Variants in UBN2 observed in about 807,000 individuals in gnomAD.
UBN2 encodes ubinuclein-2.
Under a neutral mutation model 120.2 loss-of-function variants are expected in UBN2, and 35 were observed. That is an observed-to-expected ratio of 0.29 (90% CI 0.22 to 0.39). The LOEUF (loss-of-function observed/expected upper bound fraction) is 0.39. UBN2 is among the 10% of genes least tolerant of loss of function. The pLI, the probability that UBN2 is intolerant of heterozygous loss-of-function variation, is 1.00. For missense variants in UBN2, 1,693 were observed against 1,663.2 expected, an observed-to-expected ratio of 1.02 and a Z score of -0.31; for synonymous variants, 661 against 648.7, an observed-to-expected ratio of 1.02 and a Z score of -0.29.
chr7:139,232,017 C>A, intron 1 of UBN2, 65 bp downstream of exon 1: 1 of 1,506,498 alleles, frequency 6.6e-7, no homozygotes, highest in Non-Finnish European at 8.9e-7. Flanking sequence ...CCTTCCCCAG[C>A]TGGTTTGCAC....
chr7:139,258,402 T>G, intron 3 of UBN2, 86 bp from the exon 4 acceptor site: 1 of 1,094,084 alleles, frequency 9.1e-7, no homozygotes, highest in East Asian at 2.6e-5. Context: ...TTAAGGGAGA[T>G]GCTGCCATGG....
chr7:139,298,184 C>G lies in UBN2; in HGVS notation c.*348C>G. On this transcript the variant is annotated 3_prime_UTR_variant, in exon 18 of 18. Transcript: ENST00000473989. ...GAAGTGAAGAGAATTTGGGTAAACT[C>G]CATCCATCCTGGGGGTTGGATCTGA... 2 of 244,222 alleles carry G rather than the reference C, an allele frequency of 8.2e-6. No individual in the cohort carries two copies. The highest frequency in any genetic ancestry group is 1.8e-4 in the East Asian group (2 of 11,058). 15.1% of individuals were successfully genotyped at this position (244,222 alleles called of 1,614,324 possible). A position where few individuals can be genotyped will look rare whatever the true frequency, so the allele number is the denominator to read the frequency against.
chr7:139,288,669 G>T (rs1797856750), intron 15 of UBN2, among the ~76,000 whole-genome samples: 1 of 152,030 alleles, frequency 6.6e-6, no homozygotes, highest in Non-Finnish European at 1.5e-5. Context: ...GGGAATAGGG[G>T]ACCAGTGCAC....
At chr7:139,293,179 T>C (rs1798010479) in intron 15 of UBN2, 53 bp from the exon 16 acceptor site, 1 of 1,418,876 alleles carries the variant, frequency 7.0e-7, no homozygotes, top group Non-Finnish European at 9.9e-7. Context: ...AGAAAATAAA[T>C]CAATTTGGGT....
chr7:139,270,992 G>T (rs777379446), intron 8 of UBN2, among the ~76,000 whole-genome samples: 4 of 151,620 alleles, frequency 2.6e-5, no homozygotes, highest in Non-Finnish European at 5.9e-5. Context: ...CCATTCTCCA[G>T]GCTGGTCTCG....
chr7:139,234,997 A>C (rs1322555963), intron 1 of UBN2, among the ~76,000 whole-genome samples: 1 of 151,890 alleles, frequency 6.6e-6, no homozygotes. Context: ...TGATTGGGGG[A>C]GGGTGTTTAT....
chr7:139,291,360 C>CAAAAAAA (rs774759708), intron 15 of UBN2, among the ~76,000 whole-genome samples: 3 of 43,416 alleles, frequency 6.9e-5, no homozygotes, highest in Non-Finnish European at 1.0e-4. Context: ...GACTCTGTCT[C>CAAAAAAA]AAAAAAAAAA....
At position 139,298,601 on chromosome 7, in the gene UBN2, T is replaced by G. The variant is rs191350557; in HGVS notation, c.*765T>G. 303 of 152,230 alleles carry G rather than the reference T, an allele frequency of 2.0e-3. 4 individuals are homozygous for G. The highest frequency in any genetic ancestry group is 6.7e-3 in the African/African-American group (280 of 41,540). 9.4% of individuals were successfully genotyped at this position (152,230 alleles called of 1,614,324 possible). ...TCATCTTCCGTTCAGAAGCAGGTACTTAACTCTTTTCTTCAGGTGATTTGT... is the reference window on the plus strand; with the variant it reads ...TCATCTTCCGTTCAGAAGCAGGTACGTAACTCTTTTCTTCAGGTGATTTGT... On this transcript the variant is annotated 3_prime_UTR_variant, in exon 18 of 18. Transcript: ENST00000473989.
At chr7:139,292,598 A>G (rs1308864188) in intron 15 of UBN2, among the ~76,000 whole-genome samples, 2 of 152,216 alleles carry the variant, frequency 1.3e-5, no homozygotes, top group African/African-American at 4.8e-5. Flanking sequence ...GATAGTTGCT[A>G]GGAGTTGGGG....
Position 139,298,517 on chromosome 7 carries a change from G to A in UBN2, c.*681G>A, listed in dbSNP as rs1798174283. 1 of 152,056 alleles carries A rather than the reference G, an allele frequency of 6.6e-6. No individual in the cohort carries two copies. Among genetic ancestry groups the A allele is most frequent in the South Asian group, 2.1e-4 (1 of 4,824 alleles). The allele number at this position is 152,056 out of a possible 1,614,324, so 9.4% of individuals were successfully genotyped here. ...CTAGATTTTTAAAAATCAGGAAGTT[G>A]AGCCTGTTGCTCTTAAGAGATGAAA... On this transcript the variant is annotated 3_prime_UTR_variant, in exon 18 of 18. Transcript: ENST00000473989.
Position 139,284,343 on chromosome 7 carries a change from C to T in UBN2, c.3438C>T (p.Pro1146=). 2 of 1,614,184 alleles carry T rather than the reference C, an allele frequency of 1.2e-6. No homozygotes were observed. Among genetic ancestry groups the T allele is most frequent in the Non-Finnish European group, 1.7e-6 (2 of 1,180,032 alleles). Residue 1146 remains proline (P), a synonymous_variant, in exon 15 of 18, where the codon CCC becomes CCT. Transcript: ENST00000473989. The stretch of plus-strand genomic sequence containing the variant: ...CACCTACAAAAAATCTTCAGGCCCC[C>T]TCAAAGCTAACAAACTCATCATCCA... ...GLPPTKNLQA[P]SKLTNSSSTG...
intron 1 of UBN2, among the ~76,000 whole-genome samples, chr7:139,233,905 A>T: frequency 6.6e-6 from 1 of 152,096 alleles, no homozygotes. Context: ...TATTAACAGT[A>T]TAGGTGTCTA....
intron 7 of UBN2, 51 bp downstream of exon 7, chr7:139,266,454 A>G: frequency 9.0e-7 from 1 of 1,109,866 alleles, no homozygotes; most frequent in Non-Finnish European, 1.3e-6. Flanking sequence ...ACATTAAAAA[A>G]TGTAATAGGC....
chr7:139,274,031 A>G lies in UBN2; in HGVS notation c.1930A>G (p.Thr644Ala). 6.2e-7 allele frequency: 1 copy of G among 1,613,292 alleles called. No individual in the cohort carries two copies. The highest frequency in any genetic ancestry group is 1.3e-5 in the African/African-American group (1 of 75,014). The change falls in exon 11 of 18, where the codon ACA becomes GCA. Residue 644 changes from threonine (T) to alanine (A), a missense_variant. Thr to Ala is a moderately conservative substitution (Grantham distance 58). This residue lies in a region of UBN2 where 10 missense variants were observed against 34.3 expected (regional missense o/e 0.29). Transcript: ENST00000473989. ...AEDYLKSFME[T>A]EVKPLWPKGW... ...AGATTATCTTAAGTCTTTTATGGAG[A>G]CAGAAGTGAAGCCCCTGTGGCCTAA...
In UBN2 at chr7:139,297,784, C is replaced by T. The variant is rs1168447205; in HGVS notation, c.3995-3C>T. The T allele has an allele frequency of 7.4e-6, 12 of 1,613,830 alleles. No homozygotes were observed. Among genetic ancestry groups the T allele is most frequent in the Non-Finnish European group, 1.0e-5 (12 of 1,179,944 alleles). ...ATACCAATTTAACGTCTCTTTTTCTCAGATGGAGGCCAAAGTAAAGGGGAC... is the reference window on the plus strand; with the variant it reads ...ATACCAATTTAACGTCTCTTTTTCTTAGATGGAGGCCAAAGTAAAGGGGAC... On this transcript the variant is annotated splice_region_variant and splice_polypyrimidine_tract_variant and intron_variant, in intron 17 of 17. Transcript: ENST00000473989.
chr7:139,235,560 C>T (rs543550250), intron 1 of UBN2, among the ~76,000 whole-genome samples: 3 of 152,186 alleles, frequency 2.0e-5, no homozygotes, highest in African/African-American at 7.2e-5. Context: ...GCGTGTGCCA[C>T]CACACCCAGC....
the UBN2 span, among the ~76,000 whole-genome samples, chr7:139,320,392 C>T: frequency 1.3e-5 from 2 of 151,594 alleles, no homozygotes; most frequent in African/African-American, 4.9e-5. Context: ...AACTGGGAGG[C>T]AGAGTTTGCA....
intron 11 of UBN2, among the ~76,000 whole-genome samples, chr7:139,275,859 C>T (rs1480267158): frequency 2.0e-5 from 3 of 152,108 alleles, no homozygotes; most frequent in Non-Finnish European, 4.4e-5. Context: ...CCTGTAATTC[C>T]AGCTTCTTTG....
At chr7:139,269,110 G>A (rs779831437) in intron 7 of UBN2, among the ~76,000 whole-genome samples, 17 of 152,176 alleles carry the variant, frequency 1.1e-4, no homozygotes, top group Non-Finnish European at 2.2e-4. Context: ...CTGGGAGGCT[G>A]AGGTAGGAGA....
Sources: gnomAD v4.1 joint callset for allele counts (sites outside exome capture counted in the v4.1 genomes callset) on GRCh38, gnomAD v4.1.1 for gene constraint, gnomAD v4.1.1 regional missense constraint, MANE v1.5 for transcripts, NCBI Gene and HGNC (gene_info 2026-07-23, HGNC 2026-07-21) for gene names.